The following KBTBD11 variants were observed in gnomAD, a reference collection of about 807,000 sequenced individuals.
KBTBD11 encodes kelch repeat and BTB domain containing 11.
For missense variants in KBTBD11, 1,390 were observed against 1,001.8 expected (o/e 1.39, Z -5.23); for synonymous variants, 747 against 499.0 (o/e 1.50, Z -6.63).
chr8:1,973,895 G>T lies in KBTBD11; in HGVS notation c.-949G>T. The T allele has an allele frequency of 1.0e-6, 1 of 983,046 alleles. No individual in the cohort carries two copies. The highest frequency in any genetic ancestry group is 1.2e-6 in the Non-Finnish European group (1 of 828,952). 60.9% of individuals were successfully genotyped at this position (983,046 alleles called of 1,614,324 possible). The stretch of plus-strand genomic sequence containing the variant: ...TGCGCCGGAGCCCACCCGCCTGGCT[G>T]CGCGTCCCGGGCCCGGCGGCTGAAG... On this transcript the variant is annotated 5_prime_UTR_variant, in exon 1 of 2. Transcript: ENST00000320248.
chr8:1,994,200 T>C (rs1489238489), intron 1 of KBTBD11, among the ~76,000 whole-genome samples: 1 of 152,198 alleles, frequency 6.6e-6, no homozygotes, highest in Non-Finnish European at 1.5e-5. Flanking sequence ...CCTACTGTTA[T>C]TCCCCTAAAT....
intron 1 of KBTBD11, chr8:1,974,268 C>T: frequency 1.0e-6 from 1 of 979,692 alleles, no homozygotes; most frequent in Non-Finnish European, 1.2e-6. Flanking sequence ...CTCCACAGGC[C>T]CTCCCCCGGG....
chr8:2,002,364 GCT>G lies in KBTBD11; in HGVS notation c.1173_1174del (p.Ser391ArgfsTer60). ...TTCTGCTACAACCCGGCCACGGACAGCTGGAGCGCCGTGAGGCCCCTGCGCCA... is the reference window on the plus strand; with the variant it reads ...TTCTGCTACAACCCGGCCACGGACAGGGAGCGCCGTGAGGCCCCTGCGCCA... On this transcript the variant is annotated frameshift_variant, in exon 2 of 2. Coordinates refer to ENST00000320248, the MANE Select transcript of KBTBD11 (RefSeq NM_014867.3). LOFTEE classifies it low-confidence loss of function (END_TRUNC). The surrounding 1 kb of genome is among the most constrained non-coding windows in gnomAD (Gnocchi z 4.1). 6.8e-7 allele frequency: 1 copy of G among 1,468,584 alleles called. No individual in the cohort carries two copies. The highest frequency in any genetic ancestry group is 9.0e-7 in the Non-Finnish European group (1 of 1,115,254). 91.0% of individuals were successfully genotyped at this position (1,468,584 alleles called of 1,614,324 possible). A position where few individuals can be genotyped will look rare whatever the true frequency, so the allele number is the denominator to read the frequency against.
chr8:1,979,482 T>C (rs935777943), intron 1 of KBTBD11, among the ~76,000 whole-genome samples: 2 of 152,010 alleles, frequency 1.3e-5, no homozygotes, highest in African/African-American at 4.8e-5. Flanking sequence ...ACACAAAAAT[T>C]AGCCAGGTGT....
intron 1 of KBTBD11, among the ~76,000 whole-genome samples, chr8:1,980,889 A>T (rs1816518896): frequency 1.3e-5 from 2 of 152,208 alleles, no homozygotes; most frequent in African/African-American, 4.8e-5. Flanking sequence ...TGCTTGTTGC[A>T]TGGGCTGAGT....
At position 1,978,593 on chromosome 8, in the gene KBTBD11, T is replaced by C. The variant is rs1336393997; in HGVS notation, c.-909+4658T>C. Among the ~76,000 whole-genome samples the C allele has an allele frequency of 5.3e-5, 8 of 152,216 alleles. No homozygotes were observed. In the East Asian group the frequency reaches 1.5e-3, roughly 29 times the overall value. The stretch of plus-strand genomic sequence containing the variant: ...GAGAAAACAGCCAGGTGGAACCGGG[T>C]CACCTTTCTCACGAGGCGGGGAGGT... On this transcript the variant is annotated intron_variant, in intron 1 of 1. Transcript: ENST00000320248.
chr8:1,978,261 C>A (rs1304669624), intron 1 of KBTBD11, among the ~76,000 whole-genome samples: 1 of 152,218 alleles, frequency 6.6e-6, no homozygotes, highest in Non-Finnish European at 1.5e-5. Flanking sequence ...GTTTTCTGTT[C>A]CTGTATTCGT....
chr8:1,977,350 TAGAA>T (rs1470876899), intron 1 of KBTBD11, among the ~76,000 whole-genome samples: 1 of 152,146 alleles, frequency 6.6e-6, no homozygotes, highest in Non-Finnish European at 1.5e-5. Context: ...ACTGTTTTAT[TAGAA>T]AGGTGTAGAG....
intron 1 of KBTBD11, among the ~76,000 whole-genome samples, chr8:1,989,624 A>G (rs1816833644): frequency 6.6e-6 from 1 of 152,218 alleles, no homozygotes; most frequent in African/African-American, 2.4e-5. Context: ...AGATCAGGAA[A>G]TCTATGCAAC....
Position 2,002,053 on chromosome 8 carries a change from C to T in KBTBD11, c.861C>T (p.Arg287=), listed in dbSNP as rs763592057. 4.2e-6 allele frequency: 5 copies of T among 1,190,088 alleles called. No homozygotes were observed. The South Asian group carries it at 8.1e-5, about 19-fold the overall frequency. 73.7% of individuals were successfully genotyped at this position (1,190,088 alleles called of 1,614,324 possible). A position where few individuals can be genotyped will look rare whatever the true frequency, so the allele number is the denominator to read the frequency against. Residue 287 remains arginine (R), a synonymous_variant, in exon 2 of 2, where the codon CGC becomes CGT. Transcript: ENST00000320248. This position sits in a 1 kb window ranked among gnomAD's most constrained non-coding sequence, Gnocchi z 4.1. ...SGAERDLLLR[R]RLRAGRAHLL... Reference sequence around the variant, plus strand: ...CAGAGCGGGACCTGCTGCTGCGCCGCCGCCTGCGCGCCGGCCGCGCCCACC... The same window carrying T: ...CAGAGCGGGACCTGCTGCTGCGCCGTCGCCTGCGCGCCGGCCGCGCCCACC...
Position 2,003,318 on chromosome 8 carries a change from A to G in KBTBD11, c.*254A>G. On this transcript the variant is annotated 3_prime_UTR_variant, in exon 2 of 2. Coordinates refer to ENST00000320248, the MANE Select transcript of KBTBD11 (RefSeq NM_014867.3). ...GGGTCCCTTGACAGACAGGACACAG[A>G]GAAGGCTGTGGGATCCAAAGGGTCA... is the stretch of plus-strand genomic sequence containing the variant. 2.3e-6 allele frequency: 1 copy of G among 433,212 alleles called. No homozygotes were observed. Among genetic ancestry groups the G allele is most frequent in the Non-Finnish European group, 3.8e-6 (1 of 262,392 alleles). 26.8% of individuals were successfully genotyped at this position (433,212 alleles called of 1,614,324 possible).
chr8:1,994,658 C>G (rs1459678346), intron 1 of KBTBD11, among the ~76,000 whole-genome samples: 2 of 152,246 alleles, frequency 1.3e-5, no homozygotes, highest in Admixed American at 1.3e-4. Flanking sequence ...CACACCAGAA[C>G]AGTGCCTGGC....
chr8:2,004,367 T>C lies in KBTBD11; in HGVS notation c.*1303T>C, dbSNP rs1311639510. 6.0e-6 allele frequency: 1 copy of C among 166,878 alleles called. No individual in the cohort carries two copies. The highest frequency in any genetic ancestry group is 1.5e-5 in the Non-Finnish European group (1 of 68,130). 10.3% of individuals were successfully genotyped at this position (166,878 alleles called of 1,614,324 possible). A position where few individuals can be genotyped will look rare whatever the true frequency, so the allele number is the denominator to read the frequency against. On this transcript the variant is annotated 3_prime_UTR_variant, in exon 2 of 2. Transcript: ENST00000320248. ...ATTATGACTTTGAGGATGAGATCCA[T>C]GCTCACAAATAGAGGCGAACATTTG...
chr8:1,984,278 AGTTTTTTTT>A (rs1481455282), intron 1 of KBTBD11, among the ~76,000 whole-genome samples: 2 of 106,960 alleles, frequency 1.9e-5, no homozygotes, highest in Non-Finnish European at 3.7e-5. Flanking sequence ...TCTCTAAAAA[AGTTTTTTTT>A]TTTTTTTTTT....
intron 1 of KBTBD11, among the ~76,000 whole-genome samples, chr8:1,992,835 T>A (rs11136451): frequency 0.52 from 79,035 of 152,004 alleles, 23,158 homozygotes; most frequent in East Asian, 0.79. Flanking sequence ...TTATTTATTT[T>A]TTTTTTTCAA....
Position 1,973,748 on chromosome 8 carries a change from C to G in KBTBD11, c.-1096C>G. On this transcript the variant is annotated 5_prime_UTR_variant, in exon 1 of 2. Coordinates refer to ENST00000320248, the MANE Select transcript of KBTBD11 (RefSeq NM_014867.3). ...CGCGCGGCCTGGAGAGGCGGAGAGG[C>G]CTGTCCACCGCCCCCTCTGCCGCCC... The G allele has an allele frequency of 1.0e-6, 1 of 983,788 alleles. No individual in the cohort carries two copies. The allele number at this position is 983,788 out of a possible 1,614,324, so 60.9% of individuals were successfully genotyped here. A position where few individuals can be genotyped will look rare whatever the true frequency, so the allele number is the denominator to read the frequency against.
chr8:1,974,321 C>A (rs1316213675), intron 1 of KBTBD11: 2 of 984,526 alleles, frequency 2.0e-6, no homozygotes, highest in African/African-American at 1.8e-5. Context: ...GCCCGCGCCG[C>A]GCCCGCAGTC....
At chr8:1,995,665 G>A (rs1198447169) in intron 1 of KBTBD11, among the ~76,000 whole-genome samples, 1 of 152,092 alleles carries the variant, frequency 6.6e-6, no homozygotes, top group Non-Finnish European at 1.5e-5. Flanking sequence ...TGGGCCTGGA[G>A]AGGAAATAAC....
At chr8:1,992,721 T>C (rs908332902) in intron 1 of KBTBD11, among the ~76,000 whole-genome samples, 5 of 152,284 alleles carry the variant, frequency 3.3e-5, no homozygotes, top group African/African-American at 1.2e-4. Context: ...GTTTTGATTA[T>C]AAAAGCAGCA....
Sources: allele counts gnomAD v4.1 joint callset (sites outside exome capture counted in the v4.1 genomes callset), GRCh38; gene constraint gnomAD v4.1.1; non-coding constraint Gnocchi (gnomAD v3.1); transcripts MANE v1.5; gene names NCBI Gene and HGNC (gene_info 2026-07-23, HGNC 2026-07-21).